ACOX3: variants seen among roughly 807,000 people sequenced by gnomAD.
ACOX3 encodes peroxisomal acyl-coenzyme A oxidase 3.
In ACOX3, 73 loss-of-function variants were observed where a neutral mutation model predicts 81.5. That is an observed-to-expected ratio of 0.90 (90% confidence interval 0.74 to 1.09). The LOEUF is 1.09. Among genes scored for constraint, ACOX3 ranks in the 50% least tolerant of loss-of-function variants. ACOX3 has a pLI of 0.00. For missense variants in ACOX3, 947 were observed against 928.0 expected, an observed-to-expected ratio of 1.02 and a Z score of -0.27; for synonymous variants, 387 against 375.1, an observed-to-expected ratio of 1.03 and a Z score of -0.37.
Position 8,414,849 on chromosome 4 carries a change from C to T in ACOX3, c.453+5G>A. 1 of 1,613,752 alleles carries T rather than the reference C, an allele frequency of 6.2e-7. No homozygotes were observed. Among genetic ancestry groups the T allele is most frequent in the Non-Finnish European group, 8.5e-7 (1 of 1,179,606 alleles). On this transcript the variant is annotated splice_donor_5th_base_variant and intron_variant, in intron 4 of 17. Transcript: ENST00000356406. The surrounding 1 kb of genome is among the most constrained non-coding windows in gnomAD (Gnocchi z 6.1). ...GCTCACAATTTACCATGAACCAGAA[C>T]TTACCTCCATCCTGAAGATCTTTTG...
At chr4:8,397,283 G>T (rs957542488) in intron 8 of ACOX3, among the ~76,000 whole-genome samples, 164 bp from the exon 9 acceptor site, 9 of 152,250 alleles carry the variant, frequency 5.9e-5, no homozygotes, top group African/African-American at 1.9e-4. Context: ...CGGTGCGGCA[G>T]GCGGGTAGAG....
chr4:8,426,487 C>T lies in ACOX3; in HGVS notation c.-14-9952G>A, dbSNP rs116450158. On this transcript the variant is annotated intron_variant, in intron 1 of 17. Transcript: ENST00000356406. ...CAACTGCGAGGAAAGTAACTGGAAT[C>T]GTAGAGCTCCATGGCCCCCCCCGTC... Among the ~76,000 whole-genome samples, 577 of 151,938 alleles carry T rather than the reference C, an allele frequency of 3.8e-3. 4 individuals carry two copies. Among genetic ancestry groups the T allele is most frequent in the African/African-American group, 0.013 (558 of 41,442 alleles).
intron 1 of ACOX3, among the ~76,000 whole-genome samples, chr4:8,424,207 T>C (rs1723232318): frequency 6.6e-6 from 1 of 152,212 alleles, no homozygotes; most frequent in Admixed American, 6.5e-5. Context: ...GATTCCCAGG[T>C]ACAGTGAAAT....
In ACOX3 at chr4:8,373,440, G is replaced by A. The variant is rs969103606; in HGVS notation, c.1896+121C>T. On this transcript the variant is annotated intron_variant, in intron 16 of 17. Transcript: ENST00000356406. Reference sequence around the variant, plus strand: ...GCTCTGGGTGACGCTAAGGGGGTGCGTGTCAGTCTGGGTGATACTAAGGCG... The same window carrying A: ...GCTCTGGGTGACGCTAAGGGGGTGCATGTCAGTCTGGGTGATACTAAGGCG... 2.6e-5 allele frequency: 26 copies of A among 1,017,754 alleles called. No individual in the cohort carries two copies. The Admixed American group carries it at 3.3e-4, about 13-fold the overall frequency. The allele number at this position is 1,017,754 out of a possible 1,614,324, so 63.0% of individuals were successfully genotyped here.
At chr4:8,369,545 T>G (rs1715890130) in intron 17 of ACOX3, among the ~76,000 whole-genome samples, 1 of 152,200 alleles carries the variant, frequency 6.6e-6, no homozygotes, top group Non-Finnish European at 1.5e-5. Flanking sequence ...TCTGCAGAGA[T>G]GACCATCCCT....
chr4:8,375,535 C>T (rs1716850687), intron 14 of ACOX3, among the ~76,000 whole-genome samples: 1 of 152,222 alleles, frequency 6.6e-6, no homozygotes, highest in Non-Finnish European at 1.5e-5. Context: ...GACCTGGCTT[C>T]TTCCACACGG....
rs556118466 is a variant in ACOX3, at chr4:8,416,439, G to A, written c.83C>T (p.Ala28Val). The A allele has an allele frequency of 1.1e-5, 17 of 1,614,176 alleles. No individual in the cohort carries two copies. Among genetic ancestry groups the A allele is most frequent in the African/African-American group, 2.7e-5 (2 of 75,040 alleles). ...CGCCAGCTCCTTCCAGCTGAAGGAC[G>A]CTCTTGCTCGGTAGGCATCGAGGGG... ...RGPLDAYRAR[A>V]SFSWKELALF... The change falls in exon 2 of 18, where the codon GCG becomes GTG. Residue 28 changes from alanine to valine, a missense_variant. Transcript: ENST00000356406. This position sits in a 1 kb window ranked among gnomAD's most constrained non-coding sequence, Gnocchi z 4.2.
intron 1 of ACOX3, among the ~76,000 whole-genome samples, chr4:8,426,221 G>A (rs141910731): frequency 1.0e-3 from 153 of 152,078 alleles, no homozygotes; most frequent in Middle Eastern, 3.4e-3. Flanking sequence ...GGAGGGAAAG[G>A]AATTCCACCC....
At chr4:8,375,598 G>C (rs1034916808) in intron 14 of ACOX3, among the ~76,000 whole-genome samples, 1 of 152,190 alleles carries the variant, frequency 6.6e-6, no homozygotes, top group Non-Finnish European at 1.5e-5. Flanking sequence ...CCTGAGCTCA[G>C]AATTGACTTC....
rs1720232302 is a variant in ACOX3 at position 8,400,283 on chromosome 4, T to TAATAATAATAAA, written c.777-632_777-631insTTTATTATTATT. On this transcript the variant is annotated intron_variant, in intron 7 of 17. Transcript: ENST00000356406. The surrounding 1 kb of genome is among the most constrained non-coding windows in gnomAD (Gnocchi z 4.4). ...ATAATAATAATAATAATAATAATAATAAAAGCATTGTGTATATGGTAAGTT... is the reference window on the plus strand; with the variant it reads ...ATAATAATAATAATAATAATAATAATAATAATAATAAAAAAAGCATTGTGTATATGGTAAGTT... Among the ~76,000 whole-genome samples, 3 of 139,056 alleles carry TAATAATAATAAA rather than the reference T, an allele frequency of 2.2e-5. No individual in the cohort carries two copies. Among genetic ancestry groups the TAATAATAATAAA allele is most frequent in the Admixed American group, 7.2e-5 (1 of 13,958 alleles). 91.2% of individuals were successfully genotyped at this position (139,056 alleles called of 152,430 possible).
chr4:8,360,355 T>C, the ACOX3 span, among the ~76,000 whole-genome samples: 28,598 of 152,154 alleles, frequency 0.19, 2,769 homozygotes, highest in Middle Eastern at 0.23. Flanking sequence ...AAATAAGGAG[T>C]TTTAAAGATT....
Position 8,381,588 on chromosome 4 carries a change from C to G in ACOX3, c.1557G>C (p.Lys519Asn). 1.9e-6 allele frequency: 3 copies of G among 1,613,812 alleles called. No individual in the cohort carries two copies. Among genetic ancestry groups the G allele is most frequent in the Non-Finnish European group, 2.5e-6 (3 of 1,179,882 alleles). ...CTCGGAGCAGGTAGCAAACCAGCCA[C>G]TTGTATGCTGCCAGGGCGACTTCGG... is the stretch of plus-strand genomic sequence containing the variant. ...LDSAVALAAY[K>N]WLVCYLLRET... is the part of the protein sequence containing the mutation. The change falls in exon 14 of 18, where the codon AAG (lysine) becomes AAC (asparagine). Residue 519 changes from lysine to asparagine, a missense_variant. Physicochemically the swap from Lys to Asn is moderately conservative, Grantham distance 94 (BLOSUM62 0). Transcript: ENST00000356406. This position sits in a 1 kb window ranked among gnomAD's most constrained non-coding sequence, Gnocchi z 4.3.
chr4:8,385,848 C>G lies in ACOX3; in HGVS notation c.1537+3325G>C, dbSNP rs1718234821. Among the ~76,000 whole-genome samples, 1 of 152,252 alleles carries G rather than the reference C, an allele frequency of 6.6e-6. No homozygotes were observed. ...AGCCCTGAGACCTGGGATCTGTGAC[C>G]AAATGCCCTTGAGACGATGGGGCTG... On this transcript the variant is annotated intron_variant, in intron 13 of 17. Coordinates refer to ENST00000356406, the MANE Select transcript of ACOX3 (RefSeq NM_003501.3). The surrounding 1 kb of genome is among the most constrained non-coding windows in gnomAD (Gnocchi z 5.5).
At chr4:8,439,160 A>G (rs1280732485) in intron 1 of ACOX3, 1 of 152,184 alleles carries the variant, frequency 6.6e-6, no homozygotes, top group Admixed American at 6.5e-5. Context: ...CTTGCTGGAT[A>G]CAAATATGCT....
chr4:8,434,583 G>T (rs1177363093), intron 1 of ACOX3, among the ~76,000 whole-genome samples: 1 of 152,264 alleles, frequency 6.6e-6, no homozygotes, highest in Admixed American at 6.5e-5. Flanking sequence ...CCCCCGTGGA[G>T]GATCAACGCA....
At chr4:8,373,698 T>C in intron 15 of ACOX3, 70 bp from the exon 16 acceptor site, 3 of 1,457,206 alleles carry the variant, frequency 2.1e-6, no homozygotes, top group Non-Finnish European at 2.8e-6. Flanking sequence ...CAACATGCCC[T>C]GAGTGCACTT....
intron 10 of ACOX3, among the ~76,000 whole-genome samples, chr4:8,393,514 C>CAAAG (rs1214041790): frequency 1.3e-5 from 2 of 149,994 alleles, no homozygotes; most frequent in Non-Finnish European, 3.0e-5. Context: ...AACAAACAAA[C>CAAAG]AAAAACTTAA....
chr4:8,383,109 A>C (rs1201426422), intron 13 of ACOX3, among the ~76,000 whole-genome samples: 1 of 152,184 alleles, frequency 6.6e-6, no homozygotes, highest in African/African-American at 2.4e-5. Context: ...AGCCCGTCAC[A>C]AACCAGAGCA....
At position 8,405,962 on chromosome 4, in the gene ACOX3, C is replaced by G; in HGVS notation, c.769G>C (p.Asp257His). Residue 257 changes from aspartate (D) to histidine (H), a missense_variant, in exon 7 of 18, where the codon GAT becomes CAT. By Grantham distance (81) the Asp-to-His change is moderately conservative. Transcript: ENST00000356406. This position sits in a 1 kb window ranked among gnomAD's most constrained non-coding sequence, Gnocchi z 7.1. ...GCAGCCTCTGTCACTCACCCATTAT[C>G]CAGACCGTTCTGCCCGAGTTTTTTT... is the stretch of plus-strand genomic sequence containing the variant. The part of the protein sequence containing the change: ...IGKKLGQNGL[D>H]NGFAMFHKVR... 4 of 1,614,146 alleles carry G rather than the reference C, an allele frequency of 2.5e-6. No individual in the cohort carries two copies. Among genetic ancestry groups the G allele is most frequent in the Non-Finnish European group, 2.5e-6 (3 of 1,179,996 alleles).
Sources: allele counts gnomAD v4.1 joint callset (sites outside exome capture counted in the v4.1 genomes callset), GRCh38; gene constraint gnomAD v4.1.1; non-coding constraint Gnocchi (gnomAD v3.1); transcripts MANE v1.5; gene names NCBI Gene and HGNC (gene_info 2026-07-23, HGNC 2026-07-21).